Variants in MTUS2 observed in about 807,000 individuals in gnomAD.
MTUS2 encodes microtubule-associated tumor suppressor candidate 2.
In MTUS2, 40 loss-of-function variants were observed where a neutral mutation model predicts 114.1. The ratio of observed to expected loss-of-function variants is 0.35; its 90% CI spans 0.27 to 0.46. The LOEUF is 0.46. Ranked by LOEUF, MTUS2 falls within the 20% of genes least tolerant of loss-of-function variation. The pLI is 1.00. For missense variants in MTUS2, 1,679 were observed against 1,705.4 expected (o/e 0.98, Z 0.27); for synonymous variants, 688 against 672.0 (o/e 1.02, Z -0.37).
chr13:28,980,864 AT>A (rs958873682), intron 2 of MTUS2, among the ~76,000 whole-genome samples: 2 of 152,088 alleles, frequency 1.3e-5, no homozygotes, highest in African/African-American at 4.8e-5. Flanking sequence ...TGGCCATGTA[AT>A]TTTTTTGTCT....
rs751942168 is a variant in MTUS2 at position 29,503,797 on chromosome 13, T to G, written c.*591T>G. The G allele has an allele frequency of 4.2e-6, 1 of 235,412 alleles. No homozygotes were observed. Among genetic ancestry groups the G allele is most frequent in the Non-Finnish European group, 8.4e-6 (1 of 119,050 alleles). The allele number at this position is 235,412 out of a possible 1,614,324, so 14.6% of individuals were successfully genotyped here. On this transcript the variant is annotated 3_prime_UTR_variant, in exon 16 of 16. Coordinates refer to ENST00000612955, the MANE Select transcript of MTUS2 (RefSeq NM_001033602.4). ...CTTTCAACTCACCACCAAGTGGTACTCTCTTTAACACGAACACCAGCTATT... is the reference window on the plus strand; with the variant it reads ...CTTTCAACTCACCACCAAGTGGTACGCTCTTTAACACGAACACCAGCTATT...
rs191781998 is a variant in MTUS2, at chr13:28,987,802, A to G, written c.-242-36655A>G. On this transcript the variant is annotated intron_variant, in intron 2 of 15. Transcript: ENST00000612955. ...CACATCCCGTTGCAGAACAATGTGA[A>G]TGTCTTTAATGCTGCACAACTGTAC... Among the ~76,000 whole-genome samples the G allele has an allele frequency of 3.2e-4, 49 of 152,376 alleles. No homozygotes were observed. The East Asian group carries it at 6.7e-3, about 21-fold the overall frequency.
At chr13:29,141,794 C>T (rs571087496) in intron 5 of MTUS2, among the ~76,000 whole-genome samples, 1 of 151,800 alleles carries the variant, frequency 6.6e-6, no homozygotes, top group East Asian at 1.9e-4. Flanking sequence ...TTTAGAAAAA[C>T]AATAATAGTT....
chr13:29,435,819 C>T (rs1593440674), intron 8 of MTUS2, among the ~76,000 whole-genome samples: 1 of 152,228 alleles, frequency 6.6e-6, no homozygotes, highest in East Asian at 1.9e-4. Context: ...GAAGGGCTGT[C>T]GCCAAACTGC....
intron 12 of MTUS2, among the ~76,000 whole-genome samples, chr13:29,495,203 A>C (rs1339321906): frequency 4.0e-5 from 6 of 148,540 alleles, no homozygotes; most frequent in Non-Finnish European, 7.5e-5. Context: ...AAAAAAAAAA[A>C]AAACTTAAGT....
At chr13:29,198,589 T>C (rs1350409993) in intron 5 of MTUS2, among the ~76,000 whole-genome samples, 2 of 152,240 alleles carry the variant, frequency 1.3e-5, no homozygotes, top group Non-Finnish European at 2.9e-5. Flanking sequence ...AAAGTAGTTT[T>C]TTCTAATTCT....
At chr13:29,233,166 G>A (rs576356785) in intron 5 of MTUS2, among the ~76,000 whole-genome samples, 15 of 151,764 alleles carry the variant, frequency 9.9e-5, no homozygotes, top group Admixed American at 3.3e-4. Flanking sequence ...TCATTCTTCC[G>A]ACTGTGATGT....
chr13:29,098,191 C>T (rs1890256317), intron 4 of MTUS2, among the ~76,000 whole-genome samples: 1 of 152,104 alleles, frequency 6.6e-6, no homozygotes, highest in Non-Finnish European at 1.5e-5. Context: ...TTGTGTGGTA[C>T]AAGCTTGGCT....
intron 5 of MTUS2, among the ~76,000 whole-genome samples, chr13:29,229,947 A>G (rs1178793771): frequency 1.3e-5 from 2 of 152,216 alleles, no homozygotes; most frequent in Non-Finnish European, 1.5e-5. Context: ...TTCGACTTTT[A>G]AAAATTACCA....
intron 2 of MTUS2, among the ~76,000 whole-genome samples, chr13:29,010,992 A>G: frequency 6.6e-6 from 1 of 152,192 alleles, no homozygotes; most frequent in East Asian, 1.9e-4. Context: ...AGGACGCGTT[A>G]GCATCATTGC....
rs1376494607 is a variant in MTUS2, at chr13:29,387,968, C to CCAT, written c.3117+28497_3117+28499dup. On this transcript the variant is annotated intron_variant, in intron 8 of 15. Coordinates refer to ENST00000612955, the MANE Select transcript of MTUS2 (RefSeq NM_001033602.4). Reference sequence around the variant, plus strand: ...TATCCAGCACATATACACAATTGGGCCATCGCTTCACTCTGAACATGTGTT... The same window carrying CCAT: ...TATCCAGCACATATACACAATTGGGCCATCATCGCTTCACTCTGAACATGTGTT... 2.0e-5 allele frequency among the ~76,000 whole-genome samples: 3 copies of CCAT among 152,160 alleles called. No individual in the cohort carries two copies. In the East Asian group the frequency reaches 5.8e-4, roughly 29 times the overall value.
rs182139922 is a variant in MTUS2, at chr13:29,084,370, A to C, written c.2447-16403A>C. ...TCTTCCCTCCACCCTCCTTAAAAAAAAAAACAAAACAACTGTTGTTGTTAC... is the reference window on the plus strand; with the variant it reads ...TCTTCCCTCCACCCTCCTTAAAAAACAAAACAAAACAACTGTTGTTGTTAC... On this transcript the variant is annotated intron_variant, in intron 4 of 15. Coordinates refer to ENST00000612955, the MANE Select transcript of MTUS2 (RefSeq NM_001033602.4). Among the ~76,000 whole-genome samples the C allele has an allele frequency of 5.1e-3, 779 of 151,928 alleles. 4 individuals carry two copies. The highest frequency in any genetic ancestry group is 7.8e-3 in the Non-Finnish European group (527 of 67,974).
In MTUS2 at chr13:29,199,142, C is replaced by CT. The variant is rs1894830003; in HGVS notation, c.2645-82561dup. ...AAAGAGCCATATAGCCAAGACAATC[C>CT]TAAGCAAAAAGAACAAAGCTGGAGA... is the stretch of plus-strand genomic sequence containing the variant. On this transcript the variant is annotated intron_variant, in intron 5 of 15. Coordinates refer to ENST00000612955, the MANE Select transcript of MTUS2 (RefSeq NM_001033602.4). 2.6e-5 allele frequency among the ~76,000 whole-genome samples: 4 copies of CT among 152,110 alleles called. No homozygotes were observed. In the South Asian group the frequency reaches 8.3e-4, roughly 32 times the overall value.
At chr13:29,175,890 TAC>T (rs1893751675) in intron 5 of MTUS2, among the ~76,000 whole-genome samples, 3 of 152,152 alleles carry the variant, frequency 2.0e-5, no homozygotes, top group Admixed American at 1.3e-4. Flanking sequence ...AACATTAAAG[TAC>T]AACTGTAACA....
At chr13:29,338,597 A>AAAACAAAAC (rs897533388) in intron 7 of MTUS2, among the ~76,000 whole-genome samples, 1 of 93,250 alleles carries the variant, frequency 1.1e-5, no homozygotes, top group African/African-American at 4.1e-5. Context: ...CTCAGAAAAC[A>AAAACAAAAC]AAAAAAAACA....
chr13:29,070,524 C>T (rs226903), intron 4 of MTUS2, among the ~76,000 whole-genome samples: 86,572 of 151,062 alleles, frequency 0.57, 24,979 homozygotes, highest in Non-Finnish European at 0.61. Context: ...GATCTGATTT[C>T]TTTTTTTTCC....
intron 2 of MTUS2, among the ~76,000 whole-genome samples, chr13:28,865,760 A>G (rs1374071599): frequency 1.3e-5 from 2 of 152,132 alleles, no homozygotes; most frequent in African/African-American, 2.4e-5. Flanking sequence ...GAGCAGTATT[A>G]TTGGGAGCCA....
intron 6 of MTUS2, among the ~76,000 whole-genome samples, chr13:29,297,501 CT>C (rs1317783391): frequency 1.3e-5 from 2 of 152,188 alleles, no homozygotes; most frequent in Non-Finnish European, 2.9e-5. Flanking sequence ...CAACCTAAGC[CT>C]GTTGGCCTTT....
chr13:29,208,485 TTTTG>T lies in MTUS2; in HGVS notation c.2645-73207_2645-73204del, dbSNP rs965847309. Among the ~76,000 whole-genome samples, 398 of 152,170 alleles carry T rather than the reference TTTTG, an allele frequency of 2.6e-3. 3 individuals are homozygous for T. The highest frequency in any genetic ancestry group is 9.1e-3 in the African/African-American group (377 of 41,584). On this transcript the variant is annotated intron_variant, in intron 5 of 15. Coordinates refer to ENST00000612955, the MANE Select transcript of MTUS2 (RefSeq NM_001033602.4). Reference sequence around the variant, plus strand: ...TTCTGCTGCATTTGTGTTTGGTTTTTTTTGTTTGTTTGTTTCTCTAGTTTCTCGA... The same window carrying T: ...TTCTGCTGCATTTGTGTTTGGTTTTTTTTGTTTGTTTCTCTAGTTTCTCGA...
Sources: allele counts gnomAD v4.1 joint callset (sites outside exome capture counted in the v4.1 genomes callset), GRCh38; gene constraint gnomAD v4.1.1; transcripts MANE v1.5; gene names NCBI Gene and HGNC (gene_info 2026-07-23, HGNC 2026-07-21).